The following OCA2 variants were observed in gnomAD, a reference collection of about 807,000 sequenced individuals.
OCA2 encodes OCA2 melanosomal transmembrane protein.
In OCA2, 77 loss-of-function variants were observed where a neutral mutation model predicts 100.2. The observed-to-expected ratio is 0.77, with a 90% CI of 0.64 to 0.93. The LOEUF (loss-of-function observed/expected upper bound fraction) is 0.93. OCA2 is among the 40% of genes least tolerant of loss of function. OCA2 has a pLI of 0.00. For synonymous variants in OCA2, 432 were observed against 439.2 expected (o/e 0.98, Z 0.21); for missense variants, 1,062 against 1,089.1 (o/e 0.98, Z 0.35).
chr15:27,883,561 G>A (rs781672872), intron 19 of OCA2, among the ~76,000 whole-genome samples: 1 of 152,038 alleles, frequency 6.6e-6, no homozygotes, highest in Admixed American at 6.6e-5. Flanking sequence ...CGCCCCCTGC[G>A]GATCCCTCAT....
chr15:27,817,747 C>A (rs1376287949), intron 23 of OCA2, among the ~76,000 whole-genome samples: 2 of 152,180 alleles, frequency 1.3e-5, no homozygotes, highest in Non-Finnish European at 2.9e-5. Flanking sequence ...TGGAGTGGAT[C>A]TGTTACTGCA....
At chr15:27,943,526 G>T (rs1427712379) in intron 18 of OCA2, among the ~76,000 whole-genome samples, 1 of 151,876 alleles carries the variant, frequency 6.6e-6, no homozygotes, top group Non-Finnish European at 1.5e-5. Context: ...TAAGACTCTG[G>T]TAATTTTTTA....
chr15:27,859,238 G>GATT (rs1337277902), intron 21 of OCA2, among the ~76,000 whole-genome samples: 1 of 151,990 alleles, frequency 6.6e-6, no homozygotes, highest in African/African-American at 2.4e-5. Context: ...ACCAAAAGCT[G>GATT]ATTCCTTGAA....
the OCA2 span, among the ~76,000 whole-genome samples, chr15:27,745,326 A>T: frequency 6.6e-6 from 1 of 152,194 alleles, no homozygotes; most frequent in Admixed American, 6.5e-5. Flanking sequence ...GTAAAGGATT[A>T]ATTTTCTTAA....
At chr15:28,009,938 C>T (rs2042195592) in intron 9 of OCA2, among the ~76,000 whole-genome samples, 1 of 151,996 alleles carries the variant, frequency 6.6e-6, no homozygotes. Flanking sequence ...CACTACAGAT[C>T]AAAATCTGTA....
chr15:28,074,450 G>A (rs1026530741), intron 2 of OCA2, among the ~76,000 whole-genome samples: 11 of 152,052 alleles, frequency 7.2e-5, no homozygotes, highest in East Asian at 1.9e-4. Context: ...CGAGGCGGGC[G>A]GATCACGAGG....
intron 23 of OCA2, among the ~76,000 whole-genome samples, chr15:27,779,126 G>T (rs1204120704): frequency 1.3e-5 from 2 of 152,182 alleles, no homozygotes; most frequent in Non-Finnish European, 2.9e-5. Flanking sequence ...TATGTGGTCA[G>T]AAAAGATCCT....
At chr15:27,959,854 A>T (rs528913325) in intron 15 of OCA2, among the ~76,000 whole-genome samples, 1 of 152,324 alleles carries the variant, frequency 6.6e-6, no homozygotes, top group African/African-American at 2.4e-5. Context: ...AGATCAACCC[A>T]CGCATTAATA....
chr15:28,040,850 TC>T (rs2043181061), intron 2 of OCA2, among the ~76,000 whole-genome samples: 2 of 151,962 alleles, frequency 1.3e-5, no homozygotes, highest in South Asian at 4.2e-4. Flanking sequence ...ATCAAAAACT[TC>T]CCAACAAAGA....
chr15:27,830,350 T>G (rs914722584), intron 23 of OCA2, among the ~76,000 whole-genome samples: 1 of 152,216 alleles, frequency 6.6e-6, no homozygotes, highest in African/African-American at 2.4e-5. Flanking sequence ...GCTGCATCCA[T>G]GTCGCACCAT....
rs776706503 is a variant in OCA2 at position 27,871,374 on chromosome 15, G to A, written c.2140-116C>T. The A allele has an allele frequency of 5.6e-5, 43 of 762,978 alleles. 2 individuals carry two copies. The highest frequency in any genetic ancestry group is 4.1e-4 in the South Asian group (28 of 68,952). 47.3% of individuals were successfully genotyped at this position (762,978 alleles called of 1,614,324 possible). On this transcript the variant is annotated intron_variant, in intron 20 of 23. Coordinates refer to ENST00000354638, the MANE Select transcript of OCA2 (RefSeq NM_000275.3). ...GTTAGTCCTTCCTCTTACCCATCAC[G>A]AGACCAAGGCAGACATAGGTGTGCA...
At chr15:28,086,325 C>G (rs1259192497) in intron 1 of OCA2, among the ~76,000 whole-genome samples, 1 of 152,184 alleles carries the variant, frequency 6.6e-6, no homozygotes, top group Non-Finnish European at 1.5e-5. Flanking sequence ...AATGAGGTGT[C>G]CCACCCCACT....
chr15:27,811,911 G>A (rs1271239935), intron 23 of OCA2, among the ~76,000 whole-genome samples: 5 of 152,202 alleles, frequency 3.3e-5, no homozygotes, highest in Admixed American at 3.3e-4. Context: ...TCAGCAAACA[G>A]GAGCCCCTCC....
At chr15:27,766,354 G>T (rs1186985427) in intron 23 of OCA2, among the ~76,000 whole-genome samples, 1 of 152,138 alleles carries the variant, frequency 6.6e-6, no homozygotes, top group Non-Finnish European at 1.5e-5. Flanking sequence ...GGACCCTATG[G>T]TCATCTCTGA....
chr15:27,770,933 T>TCCTTCCCCCCCTCTTCTCCTC, intron 23 of OCA2, among the ~76,000 whole-genome samples: 1 of 121,826 alleles, frequency 8.2e-6, no homozygotes, highest in Middle Eastern at 4.7e-3. Context: ...CTCTTTTCCT[T>TCCTTCCCCCCCTCTTCTCCTC]TCTTCCTTCC....
chr15:27,937,032 T>TC (rs796831466), intron 18 of OCA2, among the ~76,000 whole-genome samples: 9 of 151,938 alleles, frequency 5.9e-5, no homozygotes, highest in African/African-American at 2.2e-4. Flanking sequence ...CTCTTCACCG[T>TC]CCCCCCACAT....
At chr15:27,901,406 G>A (rs571286971) in intron 19 of OCA2, among the ~76,000 whole-genome samples, 3 of 152,302 alleles carry the variant, frequency 2.0e-5, no homozygotes, top group Admixed American at 6.5e-5. Flanking sequence ...GAGGAACAAG[G>A]TCACTGAATC....
intron 21 of OCA2, among the ~76,000 whole-genome samples, chr15:27,858,989 C>G (rs982036783): frequency 2.0e-5 from 3 of 151,936 alleles, no homozygotes; most frequent in Admixed American, 2.0e-4. Context: ...GAAATGAAGA[C>G]ACAACATACT....
chr15:27,954,160 C>CACACA (rs2040140037), intron 17 of OCA2, among the ~76,000 whole-genome samples: 5 of 91,170 alleles, frequency 5.5e-5, no homozygotes, highest in Admixed American at 1.2e-4. Context: ...CACACACACA[C>CACACA]CTAGGGTCAT....
Sources: allele counts gnomAD v4.1 joint callset (sites outside exome capture counted in the v4.1 genomes callset), GRCh38; gene constraint gnomAD v4.1.1; transcripts MANE v1.5; gene names NCBI Gene and HGNC (gene_info 2026-07-23, HGNC 2026-07-21).